MRPS28: variants seen among roughly 807,000 people sequenced by gnomAD.
The protein encoded by MRPS28 is mitochondrial ribosomal protein S28.
A neutral mutation model predicts 10.8 loss-of-function variants in MRPS28; 7 were observed. That is an observed-to-expected ratio of 0.65 (90% confidence interval 0.37 to 1.22). The LOEUF (loss-of-function observed/expected upper bound fraction) is 1.22, where lower values mean the gene tolerates loss of function less well. Ranked by LOEUF, MRPS28 falls within the 50% of genes most tolerant of loss-of-function variation. The probability of loss-of-function intolerance (pLI) is 0.02; values close to 1 mark genes in which losing one functional copy is unlikely to be tolerated. For missense variants in MRPS28, 265 were observed against 232.9 expected, an observed-to-expected ratio of 1.14 and a Z score of -0.90; for synonymous variants, 121 against 93.3, an observed-to-expected ratio of 1.30 and a Z score of -1.71.
At chr8:79,954,440 G>A (rs902595905) in intron 2 of MRPS28, among the ~76,000 whole-genome samples, 5 of 152,054 alleles carry the variant, frequency 3.3e-5, no homozygotes, top group Admixed American at 6.6e-5. Context: ...CTGAAATCTA[G>A]CCAATGTTAC....
At chr8:79,925,117 T>G (rs562006829) in intron 2 of MRPS28, among the ~76,000 whole-genome samples, 32 of 152,190 alleles carry the variant, frequency 2.1e-4, no homozygotes, top group African/African-American at 6.5e-4. Context: ...TCATTAAAAT[T>G]TCAAATACAG....
At chr8:79,960,376 A>C (rs1563526834) in intron 2 of MRPS28, among the ~76,000 whole-genome samples, 1 of 152,082 alleles carries the variant, frequency 6.6e-6, no homozygotes, top group Non-Finnish European at 1.5e-5. Context: ...CCAGAGCCTA[A>C]TTAAGTCACT....
At chr8:80,027,192 G>A (rs1809513281) in intron 1 of MRPS28, among the ~76,000 whole-genome samples, 1 of 152,200 alleles carries the variant, frequency 6.6e-6, no homozygotes. Context: ...GAGAAGAAAC[G>A]GCTGGGGCCA....
intron 2 of MRPS28, among the ~76,000 whole-genome samples, chr8:79,945,780 T>C (rs1806898079): frequency 6.6e-6 from 1 of 152,220 alleles, no homozygotes; most frequent in East Asian, 1.9e-4. Context: ...TGAGAAAATG[T>C]ATAATCTAAA....
At chr8:80,020,339 C>T (rs1006805800) in intron 1 of MRPS28, among the ~76,000 whole-genome samples, 3 of 152,164 alleles carry the variant, frequency 2.0e-5, no homozygotes, top group African/African-American at 7.2e-5. Context: ...CTGGCTCCCC[C>T]TTCCCATCAC....
At position 80,030,027 on chromosome 8, in the gene MRPS28, G is replaced by C; in HGVS notation, c.213+9C>G. 6.2e-7 allele frequency: 1 copy of C among 1,610,750 alleles called. No individual in the cohort carries two copies. The highest frequency in any genetic ancestry group is 8.5e-7 in the Non-Finnish European group (1 of 1,178,626). On this transcript the variant is annotated intron_variant, in intron 1 of 2. Coordinates refer to ENST00000276585, the MANE Select transcript of MRPS28 (RefSeq NM_014018.3). ...TCCCGCGACTCCCTCTCACCCGCCC[G>C]GGCTCCACCTTCTGTAGGGGCTCCA...
At chr8:80,010,368 T>G (rs958711074) in intron 1 of MRPS28, among the ~76,000 whole-genome samples, 3 of 152,218 alleles carry the variant, frequency 2.0e-5, no homozygotes, top group African/African-American at 7.2e-5. Flanking sequence ...AAAAGTTCAA[T>G]AGTAAAGCAC....
At chr8:79,937,484 T>C (rs775409352) in intron 2 of MRPS28, among the ~76,000 whole-genome samples, 2 of 152,160 alleles carry the variant, frequency 1.3e-5, no homozygotes, top group African/African-American at 2.4e-5. Flanking sequence ...GATATAGCTA[T>C]AGCTTAGTGA....
chr8:79,991,882 C>G (rs1307699242), intron 2 of MRPS28, among the ~76,000 whole-genome samples: 1 of 150,772 alleles, frequency 6.6e-6, no homozygotes, highest in Non-Finnish European at 1.5e-5. Flanking sequence ...GTGACTAGGT[C>G]ATAAAAGGCA....
Position 79,974,845 on chromosome 8 carries a change from C to CA in MRPS28, c.395+28153dup, listed in dbSNP as rs550263978. Among the ~76,000 whole-genome samples, 26 of 151,070 alleles carry CA rather than the reference C, an allele frequency of 1.7e-4. No homozygotes were observed. The South Asian group carries it at 3.3e-3, about 19-fold the overall frequency. ...CAAAGAGGTAGGGCAGGCTAAAATA[C>CA]AAAAAAAAGTTTGTCTCATAGTCAA... On this transcript the variant is annotated intron_variant, in intron 2 of 2. Transcript: ENST00000276585.
intron 1 of MRPS28, among the ~76,000 whole-genome samples, chr8:80,028,428 T>C (rs1809544712): frequency 1.3e-5 from 2 of 152,046 alleles, no homozygotes; most frequent in South Asian, 4.2e-4. Flanking sequence ...GCTATTCTGC[T>C]AGTATTTTAT....
At chr8:79,991,794 C>T (rs944949165) in intron 2 of MRPS28, among the ~76,000 whole-genome samples, 20 of 152,182 alleles carry the variant, frequency 1.3e-4, no homozygotes, top group African/African-American at 4.8e-4. Flanking sequence ...AAGCCCAATT[C>T]CCTTTCTCTT....
At chr8:79,949,850 GT>G (rs1807036548) in intron 2 of MRPS28, among the ~76,000 whole-genome samples, 1 of 152,158 alleles carries the variant, frequency 6.6e-6, no homozygotes. Context: ...TTTGAGTAGT[GT>G]TTCTGTATTT....
chr8:79,973,485 C>T (rs1265813499), intron 2 of MRPS28, among the ~76,000 whole-genome samples: 4 of 152,028 alleles, frequency 2.6e-5, no homozygotes, highest in African/African-American at 7.2e-5. Flanking sequence ...AGACACACCC[C>T]CATCTCCAAA....
intron 1 of MRPS28, among the ~76,000 whole-genome samples, chr8:80,007,004 T>C (rs1808868115): frequency 6.6e-6 from 1 of 152,138 alleles, no homozygotes. Flanking sequence ...TTGATGAACA[T>C]CGATGCAAAA....
intron 2 of MRPS28, among the ~76,000 whole-genome samples, chr8:79,992,630 CATT>C (rs1808397411): frequency 1.3e-5 from 2 of 152,190 alleles, no homozygotes; most frequent in African/African-American, 4.8e-5. Context: ...GCATTAAGCA[CATT>C]ATGATTAAGG....
intron 1 of MRPS28, among the ~76,000 whole-genome samples, chr8:80,016,809 A>G (rs1344178550): frequency 2.0e-5 from 3 of 152,184 alleles, no homozygotes. Flanking sequence ...CCATGAGGCA[A>G]AAACTGACAA....
At chr8:79,921,226 T>C (rs937350713) in intron 2 of MRPS28, among the ~76,000 whole-genome samples, 17 of 152,170 alleles carry the variant, frequency 1.1e-4, no homozygotes, top group Non-Finnish European at 2.9e-5. Flanking sequence ...GGTAGTGTGA[T>C]GCCTCCAGCT....
At chr8:79,964,365 A>G (rs192475990) in intron 2 of MRPS28, among the ~76,000 whole-genome samples, 34 of 152,276 alleles carry the variant, frequency 2.2e-4, no homozygotes. Context: ...TTCTAACACA[A>G]TTCAGCGGAG....
Sources: gnomAD v4.1 joint callset for allele counts (sites outside exome capture counted in the v4.1 genomes callset) on GRCh38, gnomAD v4.1.1 for gene constraint, MANE v1.5 for transcripts, NCBI Gene and HGNC (gene_info 2026-07-23, HGNC 2026-07-21) for gene names.